Variants in PAK1 observed in about 807,000 individuals in gnomAD.
The protein encoded by PAK1 is serine/threonine-protein kinase PAK 1.
A neutral mutation model predicts 67.4 loss-of-function variants in PAK1; 29 were observed. The observed-to-expected ratio is 0.43, with a 90% confidence interval of 0.32 to 0.59. PAK1 has a LOEUF of 0.59. Among genes scored for constraint, PAK1 ranks in the 20% least tolerant of loss-of-function variants. The probability of loss-of-function intolerance (pLI) is 0.07; values close to 1 mark genes in which losing one functional copy is unlikely to be tolerated. For synonymous variants in PAK1, 223 were observed against 237.4 expected (o/e 0.94, Z 0.56); for missense variants, 337 against 670.7 (o/e 0.50, Z 5.50).
chr11:77,341,761 G>C (rs1943638631), intron 10 of PAK1, among the ~76,000 whole-genome samples: 1 of 152,186 alleles, frequency 6.6e-6, no homozygotes, highest in Non-Finnish European at 1.5e-5. Flanking sequence ...TCTTCATCCT[G>C]ATATTGGGAA....
chr11:77,409,550 CAATATAT>C (rs1331814588), intron 1 of PAK1, among the ~76,000 whole-genome samples: 2 of 151,656 alleles, frequency 1.3e-5, no homozygotes, highest in African/African-American at 4.9e-5. Context: ...TGTATATACA[CAATATAT>C]ATTTGTGTAT....
chr11:77,343,229 A>G lies in PAK1; in HGVS notation c.998+590T>C, dbSNP rs1487018227. ...ATGGGACTTAATGAAGATAGTGAAA[A>G]AGTTCCACATTTCCAGTTTAATGCA... is the stretch of plus-strand genomic sequence containing the variant. On this transcript the variant is annotated intron_variant, in intron 10 of 14. Transcript: ENST00000356341. Among the ~76,000 whole-genome samples, 3 of 151,090 alleles carry G rather than the reference A, an allele frequency of 2.0e-5. No individual in the cohort carries two copies. In the Admixed American group the frequency reaches 2.0e-4, roughly 10 times the overall value.
intron 14 of PAK1, among the ~76,000 whole-genome samples, chr11:77,326,645 C>A (rs915965745): frequency 1.3e-4 from 20 of 152,152 alleles, no homozygotes; most frequent in African/African-American, 4.8e-4. Context: ...ATGATTGCGC[C>A]ATGCACTCCA....
At position 77,349,183 on chromosome 11, in the gene PAK1, A is replaced by C. The variant is rs1944879237; in HGVS notation, c.885+56T>G. The C allele has an allele frequency of 3.0e-6, 4 of 1,343,690 alleles. No homozygotes were observed. In the South Asian group the frequency reaches 3.7e-5, roughly 13 times the overall value. 83.2% of individuals were successfully genotyped at this position (1,343,690 alleles called of 1,614,324 possible). ...TTGACCTAACAAGGGCTAAAAATTA[A>C]TCCCAAATAAAAAGAAACAGAACTA... On this transcript the variant is annotated intron_variant, in intron 9 of 14. Transcript: ENST00000356341.
At chr11:77,495,356 C>A in the PAK1 span, among the ~76,000 whole-genome samples, 32 of 151,630 alleles carry the variant, frequency 2.1e-4, no homozygotes, top group African/African-American at 7.3e-4. Flanking sequence ...TGACTGTAAT[C>A]CCAGCTACTC....
chr11:77,329,361 G>A (rs976278496), intron 14 of PAK1: 1 of 152,236 alleles, frequency 6.6e-6, no homozygotes, highest in African/African-American at 2.4e-5. Flanking sequence ...TATCCTTGAT[G>A]AACATCGATG....
chr11:77,491,128 A>G, the PAK1 span, among the ~76,000 whole-genome samples: 2 of 151,868 alleles, frequency 1.3e-5, no homozygotes, highest in Non-Finnish European at 2.9e-5. Context: ...TGATCAATAA[A>G]AAAAAAAAGA....
intron 7 of PAK1, 148 bp downstream of exon 7, chr11:77,355,520 G>T (rs1945899981): frequency 4.6e-6 from 3 of 658,676 alleles, no homozygotes; most frequent in Non-Finnish European, 5.4e-6. Context: ...GGGAAGGGAG[G>T]TTCAGGGGCA....
At chr11:77,326,374 G>A (rs1939868829) in intron 14 of PAK1, among the ~76,000 whole-genome samples, 1 of 152,104 alleles carries the variant, frequency 6.6e-6, no homozygotes, top group African/African-American at 2.4e-5. Flanking sequence ...GACTCCAAAA[G>A]CCACACTCAC....
intron 1 of PAK1, among the ~76,000 whole-genome samples, chr11:77,465,457 G>T (rs1277300064): frequency 6.6e-6 from 1 of 151,940 alleles, no homozygotes; most frequent in Non-Finnish European, 1.5e-5. Flanking sequence ...ATAATCTCTA[G>T]AAAGTCCAGG....
chr11:77,345,739 T>A (rs532860552), intron 9 of PAK1, among the ~76,000 whole-genome samples: 1 of 152,336 alleles, frequency 6.6e-6, no homozygotes, highest in Non-Finnish European at 1.5e-5. Context: ...CAGCTGAGCA[T>A]TAGTTTTTCC....
intron 14 of PAK1, among the ~76,000 whole-genome samples, chr11:77,326,250 A>G (rs1357111681): frequency 6.6e-6 from 1 of 152,232 alleles, no homozygotes; most frequent in Non-Finnish European, 1.5e-5. Flanking sequence ...CAGGAGTATA[A>G]AAGGCCTAGT....
In PAK1 at chr11:77,446,552, G is replaced by A. The variant is rs560373870; in HGVS notation, c.-22+27000C>T. ...AAAAAAAAGAAAGTTCAGACCCAAG[G>A]TCATATAGTTAATAGATGATGGAGC... On this transcript the variant is annotated intron_variant, in intron 1 of 14. Transcript: ENST00000356341. Among the ~76,000 whole-genome samples the A allele has an allele frequency of 2.7e-5, 4 of 150,482 alleles. No individual in the cohort carries two copies. In the East Asian group the frequency reaches 5.8e-4, roughly 22 times the overall value.
intron 1 of PAK1, among the ~76,000 whole-genome samples, chr11:77,411,026 C>A (rs1954445074): frequency 6.6e-6 from 1 of 151,960 alleles, no homozygotes; most frequent in East Asian, 1.9e-4. Context: ...CTTCTACTTC[C>A]CAACCCTACC....
At chr11:77,327,606 G>C (rs1418686775) in intron 14 of PAK1, among the ~76,000 whole-genome samples, 7 of 152,264 alleles carry the variant, frequency 4.6e-5, no homozygotes, top group South Asian at 4.1e-4. Context: ...TCACCACCAG[G>C]CCTGCCTTAC....
the PAK1 span, among the ~76,000 whole-genome samples, chr11:77,489,365 A>G: frequency 6.6e-6 from 1 of 151,700 alleles, no homozygotes; most frequent in East Asian, 1.9e-4. Context: ...AATCATTAGA[A>G]GCTCTCTCCT....
intron 1 of PAK1, among the ~76,000 whole-genome samples, chr11:77,463,376 T>A (rs747496982): frequency 1.3e-4 from 20 of 152,030 alleles, no homozygotes; most frequent in Admixed American, 5.2e-4. Context: ...TTAAAAAAAA[T>A]TTTTAACGTA....
chr11:77,322,895 A>C lies in PAK1; in HGVS notation c.*379T>G. 1.4e-5 allele frequency: 8 copies of C among 553,122 alleles called. No homozygotes were observed. The highest frequency in any genetic ancestry group is 2.5e-5 in the Non-Finnish European group (8 of 313,888). The allele number at this position is 553,122 out of a possible 1,614,324, so 34.3% of individuals were successfully genotyped here. A position where few individuals can be genotyped will look rare whatever the true frequency, so the allele number is the denominator to read the frequency against. On this transcript the variant is annotated 3_prime_UTR_variant, in exon 15 of 15. Transcript: ENST00000356341. ...ACTAAAGAAATCTCAATTGATTACA[A>C]ATTGATAATATTATCAAACCATAAA...
chr11:77,417,738 CTTTT>C (rs67257981), intron 1 of PAK1, among the ~76,000 whole-genome samples: 3 of 144,536 alleles, frequency 2.1e-5, no homozygotes, highest in Non-Finnish European at 4.6e-5. Flanking sequence ...TTTTTCTTTT[CTTTT>C]TTTTTTTTTG....
Sources: allele counts gnomAD v4.1 joint callset (sites outside exome capture counted in the v4.1 genomes callset), GRCh38; gene constraint gnomAD v4.1.1; transcripts MANE v1.5; gene names NCBI Gene and HGNC (gene_info 2026-07-23, HGNC 2026-07-21).